Variants in FLT1 observed in about 807,000 individuals in gnomAD.
The protein encoded by FLT1 is fms related receptor tyrosine kinase 1.
Under a neutral mutation model 156.3 loss-of-function variants are expected in FLT1, and 49 were observed. That is an observed-to-expected ratio of 0.31 (90% CI 0.25 to 0.40). The LOEUF is 0.40. Among genes scored for constraint, FLT1 ranks in the 10% least tolerant of loss-of-function variants. The pLI is 1.00. For synonymous variants in FLT1, 594 were observed against 583.8 expected, an observed-to-expected ratio of 1.02 and a Z score of -0.25; for missense variants, 1,322 against 1,637.2, an observed-to-expected ratio of 0.81 and a Z score of 3.32.
intron 16 of FLT1, among the ~76,000 whole-genome samples, chr13:28,343,143 C>T (rs911416248): frequency 2.0e-5 from 3 of 152,058 alleles, no homozygotes; most frequent in East Asian, 1.9e-4. Flanking sequence ...CCATCACACC[C>T]GGCTTATTTT....
At chr13:28,345,812 A>G in intron 15 of FLT1, 1 of 389,402 alleles carries the variant, frequency 2.6e-6, no homozygotes, top group Non-Finnish European at 4.7e-6. Flanking sequence ...TTTGCTGTCA[A>G]GTTTGCAAAC....
intron 15 of FLT1, 108 bp from the exon 16 acceptor site, chr13:28,345,659 C>G (rs1351287627): frequency 1.4e-6 from 1 of 737,748 alleles, no homozygotes; most frequent in Non-Finnish European, 2.4e-6. Context: ...TTTATCATAG[C>G]GAACCCAATC....
intron 23 of FLT1, among the ~76,000 whole-genome samples, chr13:28,320,278 A>G (rs7987649): frequency 0.35 from 53,037 of 151,978 alleles, 9,347 homozygotes; most frequent in East Asian, 0.41. Flanking sequence ...TCTCCAGACC[A>G]GGGCCCCAAG....
At position 28,489,722 on chromosome 13, in the gene FLT1, G is replaced by A. The variant is rs181931827; in HGVS notation, c.64+5058C>T. On this transcript the variant is annotated intron_variant, in intron 1 of 29. Transcript: ENST00000282397. ...TTTGTTTGACTAGGGTAGAGTTTGT[G>A]TAGCTGGAACCCAGTGTGTGTGTGG... Among the ~76,000 whole-genome samples, 3 of 152,304 alleles carry A rather than the reference G, an allele frequency of 2.0e-5. No homozygotes were observed. In the East Asian group the frequency reaches 5.8e-4, roughly 29 times the overall value.
intron 10 of FLT1, among the ~76,000 whole-genome samples, chr13:28,411,883 T>C (rs781749664): frequency 2.0e-5 from 3 of 152,180 alleles, no homozygotes; most frequent in Non-Finnish European, 2.9e-5. Flanking sequence ...TCAAGACAGA[T>C]AATAATCTCC....
At chr13:28,434,855 C>G (rs1877936686) in intron 4 of FLT1, among the ~76,000 whole-genome samples, 1 of 152,220 alleles carries the variant, frequency 6.6e-6, no homozygotes, top group South Asian at 2.1e-4. Flanking sequence ...TGCACTCCAG[C>G]CTGGGTGATA....
chr13:28,350,316 C>T (rs967821520), intron 15 of FLT1, among the ~76,000 whole-genome samples: 1 of 152,144 alleles, frequency 6.6e-6, no homozygotes, highest in Non-Finnish European at 1.5e-5. Flanking sequence ...TTAACTGTAT[C>T]TATGACAGAC....
Position 28,457,040 on chromosome 13 carries a change from A to G in FLT1, c.388+9863T>C, listed in dbSNP as rs572260893. Among the ~76,000 whole-genome samples, 32 of 152,258 alleles carry G rather than the reference A, an allele frequency of 2.1e-4. 1 individual carries two copies. The South Asian group carries it at 6.6e-3, about 32-fold the overall frequency. ...GTCTCACTGTAGGTTCATTAATTGA[A>G]ACAAATGTACCATTCTGGTGGGGAA... is the stretch of plus-strand genomic sequence containing the variant. On this transcript the variant is annotated intron_variant, in intron 3 of 29. Coordinates refer to ENST00000282397, the MANE Select transcript of FLT1 (RefSeq NM_002019.4).
At position 28,319,476 on chromosome 13, in the gene FLT1, G is replaced by T. The variant is rs2138826625; in HGVS notation, c.3233C>A (p.Thr1078Asn). The change falls in exon 24 of 30, where the codon ACC (threonine) becomes AAC (asparagine). Residue 1078 changes from threonine to asparagine, a missense_variant. Coordinates refer to ENST00000282397, the MANE Select transcript of FLT1 (RefSeq NM_002019.4). Reference sequence around the variant, plus strand: ...TCCGTAAGACCACACGTCGCTCTTGGTGCTGTAGATTTTGTCAAAGATAGA... The same window carrying T: ...TCCGTAAGACCACACGTCGCTCTTGTTGCTGTAGATTTTGTCAAAGATAGA... ...PESIFDKIYS[T>N]KSDVWSYGVL... 6.2e-6 allele frequency: 10 copies of T among 1,614,078 alleles called. No homozygotes were observed. Among genetic ancestry groups the T allele is most frequent in the Non-Finnish European group, 8.5e-6 (10 of 1,179,966 alleles).
intron 10 of FLT1, among the ~76,000 whole-genome samples, chr13:28,419,653 A>C (rs8002162): frequency 2.8e-4 from 42 of 152,200 alleles, no homozygotes; most frequent in African/African-American, 1.0e-3. Flanking sequence ...GCCGAGGCGG[A>C]TGGATCACGA....
At chr13:28,451,500 T>A (rs1878935331) in intron 3 of FLT1, among the ~76,000 whole-genome samples, 1 of 152,144 alleles carries the variant, frequency 6.6e-6, no homozygotes, top group South Asian at 2.1e-4. Context: ...GGGAGGAAAT[T>A]CCCTCTCAGG....
At chr13:28,466,725 C>T (rs1224307490) in intron 3 of FLT1, 178 bp downstream of exon 3, 1 of 691,522 alleles carries the variant, frequency 1.4e-6, no homozygotes, top group African/African-American at 1.8e-5. Context: ...CTAACTGGGC[C>T]TTGACAATTC....
chr13:28,349,464 GCACACGCACACACACA>G (rs1872674677), intron 15 of FLT1, among the ~76,000 whole-genome samples: 1 of 143,682 alleles, frequency 7.0e-6, no homozygotes, highest in Non-Finnish European at 1.5e-5. Flanking sequence ...ACACACATGC[GCACACGCACACACACA>G]CACACGCACA....
At chr13:28,360,581 CA>C (rs1188294541) in intron 14 of FLT1, among the ~76,000 whole-genome samples, 1 of 152,096 alleles carries the variant, frequency 6.6e-6, no homozygotes, top group Non-Finnish European at 1.5e-5. Flanking sequence ...CGAAATAAGC[CA>C]GGCACTGAGA....
chr13:28,471,967 A>C (rs925127854), intron 1 of FLT1, among the ~76,000 whole-genome samples: 1 of 152,216 alleles, frequency 6.6e-6, no homozygotes, highest in Non-Finnish European at 1.5e-5. Flanking sequence ...AAAAACTGTT[A>C]AGGTCAAGCA....
chr13:28,396,431 T>C (rs944790718), intron 12 of FLT1, among the ~76,000 whole-genome samples: 5 of 152,206 alleles, frequency 3.3e-5, no homozygotes, highest in African/African-American at 1.2e-4. Flanking sequence ...GACCATCATA[T>C]TTAAGGCTAA....
At chr13:28,430,618 C>T (rs1489370187) in intron 7 of FLT1, among the ~76,000 whole-genome samples, 4 of 152,182 alleles carry the variant, frequency 2.6e-5, no homozygotes, top group African/African-American at 9.6e-5. Flanking sequence ...GCCCTCCACA[C>T]TGTTTCCTTT....
At chr13:28,468,070 T>C (rs1879949699) in intron 1 of FLT1, among the ~76,000 whole-genome samples, 1 of 152,242 alleles carries the variant, frequency 6.6e-6, no homozygotes, top group Admixed American at 6.5e-5. Flanking sequence ...CATCTTTTTT[T>C]CTGAATAAAA....
intron 24 of FLT1, 41 bp downstream of exon 24, chr13:28,319,382 T>C (rs2138826221): frequency 7.8e-7 from 1 of 1,289,434 alleles, no homozygotes; most frequent in Non-Finnish European, 1.1e-6. Context: ...TGCAGACATT[T>C]ATTTCTGGGC....
Sources: gnomAD v4.1 joint callset for allele counts (sites outside exome capture counted in the v4.1 genomes callset) on GRCh38, gnomAD v4.1.1 for gene constraint, MANE v1.5 for transcripts, NCBI Gene and HGNC (gene_info 2026-07-23, HGNC 2026-07-21) for gene names.